Variants in CEACAM21 observed in about 807,000 individuals in gnomAD.
CEACAM21 encodes the protein CEA cell adhesion molecule 21, also known as cell adhesion molecule CEACAM21.
A neutral mutation model predicts 33.2 loss-of-function variants in CEACAM21; 38 were observed. The observed-to-expected ratio is 1.14, with a 90% CI of 0.88 to 1.50. CEACAM21 has a LOEUF of 1.50. Among genes scored for constraint, CEACAM21 ranks in the 40% most tolerant of loss-of-function variants. The probability of loss-of-function intolerance (pLI) is 0.00; values close to 1 mark genes in which losing one functional copy is unlikely to be tolerated. For synonymous variants in CEACAM21, 156 were observed against 143.0 expected (o/e 1.09, Z -0.65); for missense variants, 385 against 364.6 (o/e 1.06, Z -0.46).
chr19:41,567,498 A>C (rs2042340762), intron 2 of CEACAM21, among the ~76,000 whole-genome samples: 1 of 152,212 alleles, frequency 6.6e-6, no homozygotes, highest in Non-Finnish European at 1.5e-5. Context: ...AAGACTCAGC[A>C]AACAACAATT....
At chr19:41,584,503 A>G (rs1341516801) in intron 4 of CEACAM21, 60 bp downstream of exon 4, 3 of 1,443,668 alleles carry the variant, frequency 2.1e-6, no homozygotes, top group Admixed American at 1.9e-5. Flanking sequence ...GCGAGAAGGA[A>G]GGAGACCCTG....
chr19:41,555,835 A>G (rs1439585613), intron 1 of CEACAM21, among the ~76,000 whole-genome samples: 3 of 152,238 alleles, frequency 2.0e-5, no homozygotes, highest in Non-Finnish European at 4.4e-5. Flanking sequence ...GCAAAGAAAC[A>G]AGGAGCCCCC....
At chr19:41,578,122 G>A (rs2043091257) in intron 2 of CEACAM21, among the ~76,000 whole-genome samples, 1 of 152,176 alleles carries the variant, frequency 6.6e-6, no homozygotes, top group Non-Finnish European at 1.5e-5. Context: ...CAAGGGCAGA[G>A]CCTCATCTTT....
chr19:41,557,487 A>G (rs532728172), intron 1 of CEACAM21, among the ~76,000 whole-genome samples: 44 of 152,258 alleles, frequency 2.9e-4, no homozygotes, highest in Admixed American at 1.3e-3. Flanking sequence ...GTTCGATATC[A>G]CAAGCAGTAT....
At chr19:41,563,920 G>C (rs1433102257) in intron 1 of CEACAM21, among the ~76,000 whole-genome samples, 2 of 152,320 alleles carry the variant, frequency 1.3e-5, no homozygotes, top group Non-Finnish European at 2.9e-5. Flanking sequence ...TTCTGACTTA[G>C]AGGCTTCAGT....
At chr19:41,577,881 G>C (rs1460021481) in intron 2 of CEACAM21, among the ~76,000 whole-genome samples, 1 of 152,194 alleles carries the variant, frequency 6.6e-6, no homozygotes, top group Non-Finnish European at 1.5e-5. Flanking sequence ...ATAGGACTCA[G>C]TCAGGGCCTG....
At chr19:41,551,967 T>C (rs550815506) in intron 1 of CEACAM21, 2 of 152,160 alleles carry the variant, frequency 1.3e-5, no homozygotes, top group African/African-American at 4.8e-5. Flanking sequence ...CACGGCCCAA[T>C]AACGAGATGC....
chr19:41,570,287 A>G (rs560715355), intron 2 of CEACAM21, among the ~76,000 whole-genome samples: 5 of 152,308 alleles, frequency 3.3e-5, no homozygotes, highest in Admixed American at 3.3e-4. Context: ...GGAATGTTTC[A>G]GGAAAAAGGC....
chr19:41,581,193 C>T (rs2043351810), intron 3 of CEACAM21, among the ~76,000 whole-genome samples: 1 of 152,240 alleles, frequency 6.6e-6, no homozygotes, highest in Admixed American at 6.5e-5. Context: ...CCTGTCCCAC[C>T]CAGGGTGGAA....
chr19:41,582,155 A>G (rs1225446725), intron 3 of CEACAM21, among the ~76,000 whole-genome samples: 2 of 152,258 alleles, frequency 1.3e-5, no homozygotes, highest in Admixed American at 6.5e-5. Flanking sequence ...TGCAAGCCCA[A>G]AATCCAGCAG....
At chr19:41,581,794 C>A (rs1555793643) in intron 3 of CEACAM21, among the ~76,000 whole-genome samples, 2 of 152,174 alleles carry the variant, frequency 1.3e-5, no homozygotes, top group African/African-American at 4.8e-5. Context: ...TTACCTCCCA[C>A]TGGGTCCTTC....
chr19:41,584,258 C>A, intron 3 of CEACAM21, 89 bp from the exon 4 acceptor site: 2 of 1,108,434 alleles, frequency 1.8e-6, no homozygotes, highest in Non-Finnish European at 2.7e-6. Flanking sequence ...CATTTCCTTC[C>A]TCCCTGACCA....
upstream of CEACAM21, among the ~76,000 whole-genome samples, chr19:41,575,098 G>C (rs183470596): frequency 2.5e-3 from 375 of 152,198 alleles, 1 homozygote; most frequent in African/African-American, 8.7e-3. Flanking sequence ...AATAATACAC[G>C]TATATAATTC....
intron 6 of CEACAM21, chr19:41,586,132 C>T (rs2070720170): frequency 5.0e-6 from 3 of 602,634 alleles, no homozygotes; most frequent in Non-Finnish European, 8.9e-6. Flanking sequence ...TGTCCCCTGA[C>T]ACCCCTCTCT....
chr19:41,556,035 C>T (rs2041503637), intron 1 of CEACAM21, among the ~76,000 whole-genome samples: 1 of 152,180 alleles, frequency 6.6e-6, no homozygotes, highest in Non-Finnish European at 1.5e-5. Flanking sequence ...CCTGGAGGAG[C>T]CTGTCCCTGA....
intron 2 of CEACAM21, among the ~76,000 whole-genome samples, chr19:41,566,683 T>G (rs1242846881): frequency 6.6e-6 from 1 of 152,230 alleles, no homozygotes; most frequent in East Asian, 1.9e-4. Flanking sequence ...TGTTAGAAAG[T>G]GTTTTCTTGT....
chr19:41,560,193 C>T (rs1301173771), intron 1 of CEACAM21, among the ~76,000 whole-genome samples: 2 of 152,128 alleles, frequency 1.3e-5, no homozygotes, highest in African/African-American at 2.4e-5. Context: ...GAAGCAGATG[C>T]TTAGCTCTTT....
intron 1 of CEACAM21, among the ~76,000 whole-genome samples, chr19:41,556,018 C>T (rs2041502659): frequency 6.6e-6 from 1 of 152,188 alleles, no homozygotes. Context: ...GAGAGCAGAG[C>T]TGCAGACCTG....
At chr19:41,560,387 T>C (rs12709855) in intron 1 of CEACAM21, among the ~76,000 whole-genome samples, 14,186 of 152,114 alleles carry the variant, frequency 0.093, 1,304 homozygotes, top group East Asian at 0.36. Context: ...CATGCCTGGC[T>C]AATTTCTATT....
Sources: allele counts gnomAD v4.1 joint callset (sites outside exome capture counted in the v4.1 genomes callset), GRCh38; gene constraint gnomAD v4.1.1; transcripts MANE v1.5; gene names NCBI Gene and HGNC (gene_info 2026-07-23, HGNC 2026-07-21).